CPNE8: variants seen among roughly 807,000 people sequenced by gnomAD.
The protein encoded by CPNE8 is copine 8.
In CPNE8, 45 loss-of-function variants were observed where a neutral mutation model predicts 81.5. The ratio of observed to expected loss-of-function variants is 0.55; its 90% confidence interval spans 0.44 to 0.71. CPNE8 has a LOEUF of 0.71. Among genes scored for constraint, CPNE8 ranks in the 30% least tolerant of loss-of-function variants. The pLI, the probability that CPNE8 is intolerant of heterozygous loss-of-function variation, is 0.00. For synonymous variants in CPNE8, 252 were observed against 226.3 expected (o/e 1.11, Z -1.02); for missense variants, 594 against 672.1 (o/e 0.88, Z 1.28).
intron 4 of CPNE8, among the ~76,000 whole-genome samples, chr12:38,842,499 T>C (rs1489774883): frequency 1.3e-5 from 2 of 152,026 alleles, no homozygotes; most frequent in African/African-American, 2.4e-5. Context: ...TCATAGGTAA[T>C]TTACATGATA....
At chr12:38,764,215 G>T (rs1168870045) in intron 8 of CPNE8, among the ~76,000 whole-genome samples, 1 of 152,158 alleles carries the variant, frequency 6.6e-6, no homozygotes, top group Non-Finnish European at 1.5e-5. Flanking sequence ...GAAGGGTAAT[G>T]AAGATGTCTA....
chr12:38,885,991 C>G (rs77384621), intron 1 of CPNE8, among the ~76,000 whole-genome samples: 4,909 of 152,246 alleles, frequency 0.032, 236 homozygotes, highest in African/African-American at 0.11. Flanking sequence ...GCATACAGAA[C>G]GGTGAGCCAA....
intron 1 of CPNE8, among the ~76,000 whole-genome samples, chr12:38,880,466 G>T (rs560593228): frequency 8.5e-5 from 13 of 152,210 alleles, no homozygotes; most frequent in African/African-American, 3.1e-4. Context: ...GAGTAGAAGG[G>T]GAATCTAGCA....
chr12:38,741,788 A>G (rs1156926464), intron 10 of CPNE8, among the ~76,000 whole-genome samples: 3 of 151,498 alleles, frequency 2.0e-5, no homozygotes, highest in Non-Finnish European at 4.4e-5. Context: ...CAAAGGGCTA[A>G]TATCCAGAAT....
At chr12:38,656,007 C>T (rs556558436) in intron 19 of CPNE8, among the ~76,000 whole-genome samples, 1 of 150,908 alleles carries the variant, frequency 6.6e-6, no homozygotes, top group South Asian at 2.1e-4. Flanking sequence ...TGCGATCTTC[C>T]TTCAGAAGAG....
At chr12:38,904,972 G>C (rs1478799851) in intron 1 of CPNE8, among the ~76,000 whole-genome samples, 1 of 152,168 alleles carries the variant, frequency 6.6e-6, no homozygotes, top group African/African-American at 2.4e-5. Flanking sequence ...AGTGGGTGGG[G>C]AGGAAGCTGC....
chr12:38,675,876 G>T (rs1939277129), intron 17 of CPNE8, 102 bp from the exon 18 acceptor site: 1 of 776,004 alleles, frequency 1.3e-6, no homozygotes, highest in Non-Finnish European at 2.2e-6. Context: ...TCCCAGCACT[G>T]TGGGAGGCCA....
intron 6 of CPNE8, among the ~76,000 whole-genome samples, chr12:38,786,490 G>A (rs1019059373): frequency 1.3e-5 from 2 of 152,080 alleles, no homozygotes; most frequent in Admixed American, 1.3e-4. Flanking sequence ...TCTTGCCCTG[G>A]AACATCAGAC....
chr12:38,797,847 T>C (rs954400607), intron 6 of CPNE8, among the ~76,000 whole-genome samples: 10 of 152,056 alleles, frequency 6.6e-5, no homozygotes, highest in Non-Finnish European at 1.2e-4. Context: ...TACAGAAAAG[T>C]GCTTAAAGGA....
chr12:38,667,601 C>G (rs556484035), intron 19 of CPNE8, among the ~76,000 whole-genome samples: 2 of 152,180 alleles, frequency 1.3e-5, no homozygotes, highest in African/African-American at 4.8e-5. Context: ...ATGCCACTGT[C>G]ATTCAGGGTG....
intron 13 of CPNE8, among the ~76,000 whole-genome samples, chr12:38,704,037 C>T (rs993671901): frequency 6.6e-5 from 10 of 152,088 alleles, no homozygotes; most frequent in East Asian, 1.9e-4. Flanking sequence ...CTTATAAGTG[C>T]GAGCTAAACA....
intron 6 of CPNE8, among the ~76,000 whole-genome samples, chr12:38,795,639 C>T (rs57728782): frequency 0.04 from 6,078 of 152,034 alleles, 391 homozygotes; most frequent in African/African-American, 0.14. Context: ...ACTGTATAAT[C>T]CCACATATAT....
rs1037037011 is a variant in CPNE8, at chr12:38,736,202, C to T, written c.723-5844G>A. 4.1e-5 allele frequency among the ~76,000 whole-genome samples: 5 copies of T among 121,900 alleles called. No individual in the cohort carries two copies. The South Asian group carries it at 8.5e-4, about 21-fold the overall frequency. 80.0% of individuals were successfully genotyped at this position (121,900 alleles called of 152,430 possible). ...TACATATATATAATAAGTTCTATTGCCCTGCTGGGTGTATATATGTGTGTG... is the reference window on the plus strand; with the variant it reads ...TACATATATATAATAAGTTCTATTGTCCTGCTGGGTGTATATATGTGTGTG... On this transcript the variant is annotated intron_variant, in intron 10 of 19. Transcript: ENST00000331366.
chr12:38,896,209 T>C (rs1944386279), intron 1 of CPNE8, among the ~76,000 whole-genome samples: 1 of 152,170 alleles, frequency 6.6e-6, no homozygotes, highest in African/African-American at 2.4e-5. Flanking sequence ...AGTGATATTT[T>C]GTTTCTTCAG....
At chr12:38,728,462 G>T (rs898607292) in intron 11 of CPNE8, among the ~76,000 whole-genome samples, 7 of 152,010 alleles carry the variant, frequency 4.6e-5, no homozygotes, top group African/African-American at 1.4e-4. Flanking sequence ...TCACCAGAAG[G>T]GTTCGACGGA....
intron 13 of CPNE8, among the ~76,000 whole-genome samples, chr12:38,720,172 T>C (rs1940523401): frequency 6.6e-6 from 1 of 152,218 alleles, no homozygotes; most frequent in African/African-American, 2.4e-5. Context: ...AACTAGCATT[T>C]CTTCCTGCAC....
chr12:38,879,241 G>A (rs142441357), intron 1 of CPNE8, among the ~76,000 whole-genome samples: 91 of 152,132 alleles, frequency 6.0e-4, no homozygotes, highest in African/African-American at 2.2e-3. Context: ...CTCTTCCTGC[G>A]TAGAACCTGA....
chr12:38,872,877 A>G, intron 3 of CPNE8, 127 bp downstream of exon 3: 1 of 646,216 alleles, frequency 1.5e-6, no homozygotes, highest in Non-Finnish European at 2.7e-6. Flanking sequence ...CTTTCCTAAG[A>G]TAAAAACAAT....
intron 19 of CPNE8, among the ~76,000 whole-genome samples, chr12:38,656,895 C>G (rs1938833504): frequency 6.6e-6 from 1 of 152,142 alleles, no homozygotes; most frequent in Non-Finnish European, 1.5e-5. Context: ...TGGGACCAAG[C>G]CTTTCAGGTC....
Sources: gnomAD v4.1 joint callset for allele counts (sites outside exome capture counted in the v4.1 genomes callset) on GRCh38, gnomAD v4.1.1 for gene constraint, MANE v1.5 for transcripts, NCBI Gene and HGNC (gene_info 2026-07-23, HGNC 2026-07-21) for gene names.